Variants in KAZN observed in about 807,000 individuals in gnomAD.
KAZN encodes kazrin, periplakin interacting protein.
KAZN carries 40 observed loss-of-function variants against 87.4 expected under a neutral mutation model. The observed-to-expected ratio is 0.46, with a 90% CI of 0.36 to 0.60. The LOEUF (loss-of-function observed/expected upper bound fraction) is 0.60. KAZN is among the 20% of genes least tolerant of loss of function. The probability of loss-of-function intolerance (pLI) is 0.00; values close to 1 mark genes in which losing one functional copy is unlikely to be tolerated. For synonymous variants in KAZN, 466 were observed against 458.3 expected (o/e 1.02, Z -0.22); for missense variants, 898 against 1,073.9 (o/e 0.84, Z 2.29).
At chr1:14,518,680 C>T (rs985729532) in intron 2 of KAZN, among the ~76,000 whole-genome samples, 2 of 152,174 alleles carry the variant, frequency 1.3e-5, no homozygotes, top group Non-Finnish European at 2.9e-5. Context: ...CATCAAACAG[C>T]CCGGCTTCCC....
chr1:14,956,937 T>G (rs1205635695), intron 1 of KAZN, among the ~76,000 whole-genome samples: 1 of 152,172 alleles, frequency 6.6e-6, no homozygotes, highest in Non-Finnish European at 1.5e-5. Flanking sequence ...CCTCCAGCTT[T>G]GCAGCCGCCT....
intron 1 of KAZN, among the ~76,000 whole-genome samples, chr1:14,011,046 A>G (rs1054028518): frequency 6.6e-6 from 1 of 150,652 alleles, no homozygotes; most frequent in Non-Finnish European, 1.5e-5. Context: ...TGCCATCACT[A>G]TTGCCATAGT....
At chr1:14,306,171 T>C (rs896912984) in intron 2 of KAZN, among the ~76,000 whole-genome samples, 4 of 152,202 alleles carry the variant, frequency 2.6e-5, no homozygotes, top group African/African-American at 9.7e-5. Context: ...TTTTGAAAAG[T>C]ATTTCACTGG....
intron 10 of KAZN, among the ~76,000 whole-genome samples, chr1:15,098,004 T>A (rs2100695845): frequency 6.6e-6 from 1 of 152,278 alleles, no homozygotes; most frequent in African/African-American, 2.4e-5. Context: ...GACCCTGTGT[T>A]AGGGGTTTTG....
chr1:14,758,144 T>A (rs549433615), intron 1 of KAZN, among the ~76,000 whole-genome samples: 1 of 99,858 alleles, frequency 1.0e-5, no homozygotes, highest in Non-Finnish European at 2.1e-5. Flanking sequence ...CCTTCCCTCC[T>A]TCCTCCCTTC....
intron 1 of KAZN, among the ~76,000 whole-genome samples, chr1:14,668,290 C>T (rs1325580930): frequency 1.3e-5 from 2 of 152,286 alleles, no homozygotes; most frequent in Admixed American, 6.5e-5. Context: ...TATTCTGCTT[C>T]AGAAGTTTAT....
chr1:14,471,022 T>G (rs1668426543), intron 2 of KAZN, among the ~76,000 whole-genome samples: 1 of 152,146 alleles, frequency 6.6e-6, no homozygotes. Flanking sequence ...TGAGCTCCCT[T>G]GGAAGTGAGT....
At chr1:14,602,469 A>G (rs1301798086) in intron 1 of KAZN, among the ~76,000 whole-genome samples, 2 of 152,192 alleles carry the variant, frequency 1.3e-5, no homozygotes, top group African/African-American at 4.8e-5. Context: ...TGACAGGTGG[A>G]CAGAAGGAGG....
At chr1:14,720,683 C>G (rs1387064128) in intron 1 of KAZN, among the ~76,000 whole-genome samples, 1 of 152,186 alleles carries the variant, frequency 6.6e-6, no homozygotes, top group African/African-American at 2.4e-5. Context: ...TCGCTCACAT[C>G]GGCAGGCTTT....
At chr1:14,983,246 A>G (rs184867611) in intron 2 of KAZN, among the ~76,000 whole-genome samples, 77 of 151,866 alleles carry the variant, frequency 5.1e-4, no homozygotes, top group Non-Finnish European at 1.5e-5. Flanking sequence ...TACACCCCCT[A>G]CCTCCACCCC....
At chr1:14,338,526 G>A (rs1657450853) in intron 2 of KAZN, among the ~76,000 whole-genome samples, 1 of 150,160 alleles carries the variant, frequency 6.7e-6, no homozygotes. Context: ...GAGAGTGAGA[G>A]AGAGAAAAGA....
At chr1:14,957,344 C>T (rs55763132) in intron 1 of KAZN, among the ~76,000 whole-genome samples, 10,807 of 152,252 alleles carry the variant, frequency 0.071, 1,296 homozygotes, top group African/African-American at 0.25. Flanking sequence ...TGCCTAGAGC[C>T]GTGCATGGTA....
intron 2 of KAZN, among the ~76,000 whole-genome samples, chr1:14,487,942 G>C (rs1367196943): frequency 6.6e-6 from 1 of 152,178 alleles, no homozygotes; most frequent in Non-Finnish European, 1.5e-5. Context: ...CTGAGGGTGA[G>C]GCCTTCCAAG....
At chr1:14,112,932 C>T (rs140417056) in intron 1 of KAZN, among the ~76,000 whole-genome samples, 11 of 152,314 alleles carry the variant, frequency 7.2e-5, no homozygotes, top group East Asian at 3.9e-4. Context: ...AAGTGCTGTG[C>T]GGAAGAAAGG....
chr1:14,347,223 G>C (rs1658169977), intron 2 of KAZN, among the ~76,000 whole-genome samples: 1 of 152,190 alleles, frequency 6.6e-6, no homozygotes, highest in South Asian at 2.1e-4. Flanking sequence ...CACGTAGATT[G>C]TTCTGGCTGG....
Position 14,110,869 on chromosome 1 carries a change from A to C in KAZN, c.92-69566A>C, listed in dbSNP as rs557779678. On this transcript the variant is annotated intron_variant, in intron 1 of 16. Transcript: ENST00000636203. ...CAATGACGATGTTTTGGCTGTGCTA[A>C]ATAAAATATATATTACAATTAATTT... is the stretch of plus-strand genomic sequence containing the variant. Among the ~76,000 whole-genome samples the C allele has an allele frequency of 1.0e-3, 136 of 135,478 alleles. 32 individuals carry two copies. Among genetic ancestry groups the C allele is most frequent in the African/African-American group, 3.9e-3 (136 of 35,122 alleles). The allele number at this position is 135,478 out of a possible 152,430, so 88.9% of individuals were successfully genotyped here.
chr1:14,305,287 A>G (rs894322842), intron 2 of KAZN, among the ~76,000 whole-genome samples: 1 of 152,162 alleles, frequency 6.6e-6, no homozygotes, highest in Non-Finnish European at 1.5e-5. Context: ...TATCAACCCT[A>G]CAGAAGCAGA....
chr1:15,068,518 G>A (rs1213443566), intron 8 of KAZN, among the ~76,000 whole-genome samples: 4 of 151,982 alleles, frequency 2.6e-5, no homozygotes, highest in Non-Finnish European at 5.9e-5. Context: ...CCTGTGCTTT[G>A]GGGCGTGTTA....
intron 1 of KAZN, among the ~76,000 whole-genome samples, chr1:13,984,066 A>G (rs1638888614): frequency 6.6e-6 from 1 of 151,894 alleles, no homozygotes; most frequent in African/African-American, 2.4e-5. Context: ...GCTGGAATGC[A>G]GTGATGTGAT....
Sources: allele counts gnomAD v4.1 joint callset (sites outside exome capture counted in the v4.1 genomes callset), GRCh38; gene constraint gnomAD v4.1.1; transcripts MANE v1.5; gene names NCBI Gene and HGNC (gene_info 2026-07-23, HGNC 2026-07-21).